ZNF385D: variants seen among roughly 807,000 people sequenced by gnomAD.
ZNF385D encodes the protein zinc finger protein 385D, also known as zinc finger protein 659.
ZNF385D carries 15 observed loss-of-function variants against 35.8 expected under a neutral mutation model. The observed-to-expected ratio is 0.42, with a 90% CI of 0.28 to 0.64. The LOEUF is 0.64. Among genes scored for constraint, ZNF385D ranks in the 30% least tolerant of loss-of-function variants. The probability of loss-of-function intolerance (pLI) is 0.23; values close to 1 mark genes in which losing one functional copy is unlikely to be tolerated. For missense variants in ZNF385D, 474 were observed against 494.6 expected (o/e 0.96, Z 0.39); for synonymous variants, 212 against 186.8 (o/e 1.13, Z -1.10).
chr3:21,567,947 A>G (rs1036934323), intron 2 of ZNF385D, among the ~76,000 whole-genome samples: 7 of 152,146 alleles, frequency 4.6e-5, no homozygotes, highest in African/African-American at 1.7e-4. Context: ...CTTTAGATTA[A>G]GTTATTTTGT....
At chr3:21,737,990 T>C (rs1236746444) in intron 1 of ZNF385D, among the ~76,000 whole-genome samples, 3 of 152,208 alleles carry the variant, frequency 2.0e-5, no homozygotes, top group Admixed American at 1.3e-4. Flanking sequence ...TTTTGGAGAA[T>C]TACAGGGGTT....
At chr3:21,571,941 C>G (rs923636788) in intron 2 of ZNF385D, among the ~76,000 whole-genome samples, 1 of 152,074 alleles carries the variant, frequency 6.6e-6, no homozygotes, top group Non-Finnish European at 1.5e-5. Flanking sequence ...AGAACCTCAC[C>G]CAAATTTCGC....
At chr3:22,099,048 A>C (rs1158183821) in intron 3 of ZNF385D, among the ~76,000 whole-genome samples, 1 of 152,080 alleles carries the variant, frequency 6.6e-6, no homozygotes, top group Non-Finnish European at 1.5e-5. Context: ...AAAAATAGGA[A>C]GCAAAAAAAA....
chr3:22,328,944 G>A (rs1267261733), intron 2 of ZNF385D, among the ~76,000 whole-genome samples: 3 of 151,924 alleles, frequency 2.0e-5, no homozygotes, highest in Non-Finnish European at 4.4e-5. Flanking sequence ...GGGCGTGGTA[G>A]CGGGCGCCTG....
intron 3 of ZNF385D, among the ~76,000 whole-genome samples, chr3:22,168,052 G>C (rs1051204503): frequency 2.0e-5 from 3 of 152,098 alleles, no homozygotes; most frequent in Admixed American, 2.0e-4. Context: ...GGAAGAGATT[G>C]ACATTCATTC....
At chr3:21,817,737 C>G (rs2125724107) in intron 3 of ZNF385D, among the ~76,000 whole-genome samples, 1 of 152,284 alleles carries the variant, frequency 6.6e-6, no homozygotes, top group Middle Eastern at 3.4e-3. Context: ...GGACTGTAAA[C>G]TAGTTCAACC....
At chr3:22,010,253 A>G (rs1696489053) in intron 3 of ZNF385D, among the ~76,000 whole-genome samples, 1 of 152,240 alleles carries the variant, frequency 6.6e-6, no homozygotes, top group South Asian at 2.1e-4. Context: ...ATCAGGAGCC[A>G]TTTTAGTACT....
At chr3:21,749,493 A>C (rs2069953035) in intron 1 of ZNF385D, among the ~76,000 whole-genome samples, 1 of 152,230 alleles carries the variant, frequency 6.6e-6, no homozygotes, top group African/African-American at 2.4e-5. Context: ...TTTGTCCAAA[A>C]GACCTATTAT....
intron 2 of ZNF385D, among the ~76,000 whole-genome samples, chr3:22,229,164 C>T (rs1698736978): frequency 6.6e-6 from 1 of 152,196 alleles, no homozygotes; most frequent in Non-Finnish European, 1.5e-5. Flanking sequence ...TTCCCTGGTC[C>T]TTTCTCCTCT....
intron 2 of ZNF385D, among the ~76,000 whole-genome samples, chr3:22,279,014 A>C (rs1384093883): frequency 6.6e-6 from 1 of 152,054 alleles, no homozygotes; most frequent in Non-Finnish European, 1.5e-5. Context: ...TCTACATTCT[A>C]TGGCGTCCAC....
Position 21,946,159 on chromosome 3 carries a change from C to G in ZNF385D, c.325+222658G>C, listed in dbSNP as rs562577174. On this transcript the variant is annotated intron_variant, in intron 3 of 5. Coordinates refer to the ZNF385D transcript ENST00000494108. ...ATTAGGATCTTCTCTTTTGGAGAAGCATTGGTTCCTTGATTTTTCTTTTAA... is the reference window on the plus strand; with the variant it reads ...ATTAGGATCTTCTCTTTTGGAGAAGGATTGGTTCCTTGATTTTTCTTTTAA... Among the ~76,000 whole-genome samples, 19 of 152,250 alleles carry G rather than the reference C, an allele frequency of 1.2e-4. No individual in the cohort carries two copies. The South Asian group carries it at 1.5e-3, about 12-fold the overall frequency.
chr3:21,434,503 T>C (rs142107377), intron 5 of ZNF385D, among the ~76,000 whole-genome samples: 1,691 of 152,330 alleles, frequency 0.011, 84 homozygotes, highest in Admixed American at 0.085. Flanking sequence ...GGAGCCAGTA[T>C]GCATGTGGCA....
In ZNF385D at chr3:22,091,123, C is replaced by G. The variant is rs111730647; in HGVS notation, c.325+77694G>C. 1.0e-3 allele frequency among the ~76,000 whole-genome samples: 156 copies of G among 152,166 alleles called. 1 individual carries two copies. Among genetic ancestry groups the G allele is most frequent in the African/African-American group, 3.7e-3 (153 of 41,512 alleles). On this transcript the variant is annotated intron_variant, in intron 3 of 5. Coordinates refer to the ZNF385D transcript ENST00000494108. ...TGAATTCCTTGATATAGGAAACTAA[C>G]TAGAGATTTCAGATTTGTTAGCTTG... is the stretch of plus-strand genomic sequence containing the variant.
intron 4 of ZNF385D, among the ~76,000 whole-genome samples, chr3:21,499,057 G>C (rs1475390949): frequency 6.6e-6 from 1 of 151,664 alleles, no homozygotes; most frequent in Non-Finnish European, 1.5e-5. Context: ...AGCCATGATG[G>C]AAAGCAGTCT....
intron 3 of ZNF385D, among the ~76,000 whole-genome samples, chr3:22,030,287 A>C (rs1463801374): frequency 2.1e-5 from 2 of 97,436 alleles, no homozygotes; most frequent in African/African-American, 9.3e-5. Flanking sequence ...ATATATATAT[A>C]TATATATATA....
intron 2 of ZNF385D, among the ~76,000 whole-genome samples, chr3:21,659,255 G>C (rs1464242294): frequency 2.6e-5 from 4 of 152,052 alleles, no homozygotes; most frequent in African/African-American, 9.7e-5. Context: ...GTTTTTAACA[G>C]GTGCTTTCAA....
chr3:21,778,713 A>AC (rs2071384871), intron 3 of ZNF385D, among the ~76,000 whole-genome samples: 1 of 151,988 alleles, frequency 6.6e-6, no homozygotes, highest in African/African-American at 2.4e-5. Flanking sequence ...AATTAAAATA[A>AC]TTTAAAAAAT....
At chr3:21,483,590 T>G (rs1390196508) in intron 4 of ZNF385D, among the ~76,000 whole-genome samples, 1 of 152,156 alleles carries the variant, frequency 6.6e-6, no homozygotes, top group East Asian at 1.9e-4. Context: ...ATTGATGGGA[T>G]TTGTTATTTA....
intron 3 of ZNF385D, among the ~76,000 whole-genome samples, chr3:22,078,099 C>G (rs1700556450): frequency 6.6e-6 from 1 of 151,986 alleles, no homozygotes; most frequent in African/African-American, 2.4e-5. Context: ...CCCCGGATTC[C>G]TTCTCATGAA....
Sources: gnomAD v4.1 joint callset for allele counts (sites outside exome capture counted in the v4.1 genomes callset) on GRCh38, gnomAD v4.1.1 for gene constraint, MANE v1.5 for transcripts, NCBI Gene and HGNC (gene_info 2026-07-23, HGNC 2026-07-21) for gene names.